The following DCUN1D3 variants were observed in gnomAD, a reference collection of about 807,000 sequenced individuals.
DCUN1D3 encodes the protein defective in cullin neddylation 1 domain containing 3, also known as DCN1-like protein 3.
DCUN1D3 carries 6 observed loss-of-function variants against 24.8 expected under a neutral mutation model. The observed-to-expected ratio is 0.24, with a 90% CI of 0.13 to 0.48. The LOEUF is 0.48. DCUN1D3 is among the 20% of genes least tolerant of loss of function. The pLI is 0.99. For missense variants in DCUN1D3, 258 were observed against 379.4 expected (o/e 0.68, Z 2.66); for synonymous variants, 120 against 144.9 (o/e 0.83, Z 1.24).
At chr16:20,870,440 T>C (rs2023694) in intron 1 of DCUN1D3, among the ~76,000 whole-genome samples, 94,481 of 152,004 alleles carry the variant, frequency 0.62, 30,478 homozygotes, top group Non-Finnish European at 0.72. Flanking sequence ...CAGTAACAGG[T>C]CCAGACATGG....
In DCUN1D3 at chr16:20,855,103, CAA is replaced by C. The variant is rs2081696195; in HGVS notation, c.*4781_*4782del. On this transcript the variant is annotated 3_prime_UTR_variant, in exon 3 of 3. Transcript: ENST00000324344. The stretch of plus-strand genomic sequence containing the variant: ...TACAAACAAAAGTATTAACTTTTGT[CAA>C]GTTTGTACAACCTCAACAAACAGAC... 6.6e-6 allele frequency: 1 copy of C among 152,434 alleles called. No individual in the cohort carries two copies. The highest frequency in any genetic ancestry group is 2.4e-5 in the African/African-American group (1 of 41,432). 9.4% of individuals were successfully genotyped at this position (152,434 alleles called of 1,614,324 possible).
At chr16:20,868,662 C>A (rs1030441108) in intron 1 of DCUN1D3, among the ~76,000 whole-genome samples, 6 of 152,188 alleles carry the variant, frequency 3.9e-5, no homozygotes, top group Non-Finnish European at 8.8e-5. Flanking sequence ...TCTCCTAGAA[C>A]AGTGCTCTTT....
intron 1 of DCUN1D3, among the ~76,000 whole-genome samples, chr16:20,891,706 T>A (rs1378040554): frequency 6.6e-6 from 1 of 152,324 alleles, no homozygotes; most frequent in East Asian, 1.9e-4. Context: ...GGCTGATTAG[T>A]CCATCTTGGA....
chr16:20,884,910 A>G (rs546595511), intron 1 of DCUN1D3, among the ~76,000 whole-genome samples: 1 of 152,018 alleles, frequency 6.6e-6, no homozygotes, highest in Non-Finnish European at 1.5e-5. Flanking sequence ...GTAAGACCCC[A>G]TCTCAAAATA....
At chr16:20,869,891 C>G (rs1392159923) in intron 1 of DCUN1D3, among the ~76,000 whole-genome samples, 1 of 152,178 alleles carries the variant, frequency 6.6e-6, no homozygotes, top group African/African-American at 2.4e-5. Context: ...ACTGGTCTCA[C>G]TACTGTTCTC....
chr16:20,877,432 G>T (rs2081821562), intron 1 of DCUN1D3, among the ~76,000 whole-genome samples: 4 of 152,116 alleles, frequency 2.6e-5, no homozygotes, highest in African/African-American at 9.7e-5. Flanking sequence ...ATTCTAATTT[G>T]CTGACTTATT....
chr16:20,890,213 A>T lies in DCUN1D3; in HGVS notation c.-106+9991T>A, dbSNP rs77062037. ...ATGATAGCAAATTATCAAACCTGGG[A>T]TGGGGAGTCATGGGAACCTCCAAAT... On this transcript the variant is annotated intron_variant, in intron 1 of 2. Coordinates refer to ENST00000324344, the MANE Select transcript of DCUN1D3 (RefSeq NM_173475.4). Among the ~76,000 whole-genome samples, 1,147 of 152,230 alleles carry T rather than the reference A, an allele frequency of 7.5e-3. 23 individuals are homozygous for T. The highest frequency in any genetic ancestry group is 0.026 in the African/African-American group (1,080 of 41,532).
rs1407377270 is a variant in DCUN1D3 at position 20,858,141 on chromosome 16, A to G, written c.*1745T>C. ...GTTCCAAAGTGTTGGAAGCTGAACTATACAAGTTCCTGCCACCCATCCTTC... is the reference window on the plus strand; with the variant it reads ...GTTCCAAAGTGTTGGAAGCTGAACTGTACAAGTTCCTGCCACCCATCCTTC... On this transcript the variant is annotated 3_prime_UTR_variant, in exon 3 of 3. Coordinates refer to ENST00000324344, the MANE Select transcript of DCUN1D3 (RefSeq NM_173475.4). 6.5e-6 allele frequency: 1 copy of G among 152,678 alleles called. No individual in the cohort carries two copies. The highest frequency in any genetic ancestry group is 1.5e-5 in the Non-Finnish European group (1 of 68,050). 9.5% of individuals were successfully genotyped at this position (152,678 alleles called of 1,614,324 possible).
rs1249065279 is a variant in DCUN1D3, at chr16:20,857,905, T to C, written c.*1981A>G. 1 of 152,276 alleles carries C rather than the reference T, an allele frequency of 6.6e-6. No homozygotes were observed. The highest frequency in any genetic ancestry group is 1.5e-5 in the Non-Finnish European group (1 of 68,008). The allele number at this position is 152,276 out of a possible 1,614,324, so 9.4% of individuals were successfully genotyped here. A position where few individuals can be genotyped will look rare whatever the true frequency, so the allele number is the denominator to read the frequency against. On this transcript the variant is annotated 3_prime_UTR_variant, in exon 3 of 3. Transcript: ENST00000324344. ...AATACCAACTGCCAAAACTCTTTAATAATCCTTAAGATGGGAGCCCAGAGC... is the reference window on the plus strand; with the variant it reads ...AATACCAACTGCCAAAACTCTTTAACAATCCTTAAGATGGGAGCCCAGAGC...
At chr16:20,866,812 T>A (rs2081764285) in intron 1 of DCUN1D3, among the ~76,000 whole-genome samples, 1 of 152,204 alleles carries the variant, frequency 6.6e-6, no homozygotes, top group Admixed American at 6.5e-5. Flanking sequence ...TATCTCCAGA[T>A]CTGGTAAGTA....
intron 1 of DCUN1D3, among the ~76,000 whole-genome samples, chr16:20,886,989 T>C (rs1009901084): frequency 2.0e-5 from 3 of 152,356 alleles, no homozygotes; most frequent in African/African-American, 7.2e-5. Context: ...TGTGATATGA[T>C]AGTTATGTTT....
Position 20,858,492 on chromosome 16 carries a change from A to G in DCUN1D3, c.*1394T>C, listed in dbSNP as rs1169483351. On this transcript the variant is annotated 3_prime_UTR_variant, in exon 3 of 3. Transcript: ENST00000324344. ...TTTTATGGCCAGTATAAGCAGGCAA[A>G]GAAACAAAGGAATATAGATACATAT... 1 of 151,196 alleles carries G rather than the reference A, an allele frequency of 6.6e-6. No individual in the cohort carries two copies. The highest frequency in any genetic ancestry group is 6.6e-5 in the Admixed American group (1 of 15,138). The allele number at this position is 151,196 out of a possible 1,614,324, so 9.4% of individuals were successfully genotyped here.
intron 1 of DCUN1D3, among the ~76,000 whole-genome samples, chr16:20,874,694 A>T (rs1327692135): frequency 6.6e-6 from 1 of 152,200 alleles, no homozygotes; most frequent in Non-Finnish European, 1.5e-5. Flanking sequence ...TTGATTTTAC[A>T]TGCCGAAGAG....
At chr16:20,883,279 G>A (rs990082630) in intron 1 of DCUN1D3, among the ~76,000 whole-genome samples, 9 of 152,246 alleles carry the variant, frequency 5.9e-5, no homozygotes, top group South Asian at 2.1e-4. Context: ...TTGGGAGGCC[G>A]AGGCGGACGG....
At chr16:20,873,732 A>T (rs2081801015) in intron 1 of DCUN1D3, among the ~76,000 whole-genome samples, 1 of 152,158 alleles carries the variant, frequency 6.6e-6, no homozygotes, top group African/African-American at 2.4e-5. Flanking sequence ...TAATGACTGG[A>T]CCCAGGATAT....
chr16:20,855,764 T>C lies in DCUN1D3; in HGVS notation c.*4122A>G, dbSNP rs1224543339. On this transcript the variant is annotated 3_prime_UTR_variant, in exon 3 of 3. Transcript: ENST00000324344. ...GAGGGGGATGGATGGTTCGGAACCT[T>C]CTTTATATGATCAGAAAACACACTG... 6.6e-6 allele frequency: 1 copy of C among 152,248 alleles called. No homozygotes were observed. The highest frequency in any genetic ancestry group is 6.5e-5 in the Admixed American group (1 of 15,284). The allele number at this position is 152,248 out of a possible 1,614,324, so 9.4% of individuals were successfully genotyped here.
At chr16:20,863,206 A>G (rs12149567) in intron 1 of DCUN1D3, among the ~76,000 whole-genome samples, 64,932 of 152,076 alleles carry the variant, frequency 0.43, 16,402 homozygotes, top group Non-Finnish European at 0.58. Context: ...ATCTCTCCAG[A>G]TTCCTTTCTG....
chr16:20,876,660 T>C (rs1168718825), intron 1 of DCUN1D3, among the ~76,000 whole-genome samples: 1 of 152,240 alleles, frequency 6.6e-6, no homozygotes, highest in African/African-American at 2.4e-5. Flanking sequence ...CCCATGTTTA[T>C]TGTAGCATTA....
chr16:20,861,603 C>T (rs141912743), intron 2 of DCUN1D3, among the ~76,000 whole-genome samples: 23 of 152,242 alleles, frequency 1.5e-4, no homozygotes, highest in African/African-American at 5.3e-4. Context: ...GCAGTGGGGC[C>T]GAGCAGCAAC....
Sources: allele counts gnomAD v4.1 joint callset (sites outside exome capture counted in the v4.1 genomes callset), GRCh38; gene constraint gnomAD v4.1.1; transcripts MANE v1.5; gene names NCBI Gene and HGNC (gene_info 2026-07-23, HGNC 2026-07-21).